Variants in USP40 observed in about 807,000 individuals in gnomAD.
USP40 encodes the protein ubiquitin carboxyl-terminal hydrolase 40.
Under a neutral mutation model 166.2 loss-of-function variants are expected in USP40, and 143 were observed. The observed-to-expected ratio is 0.86, with a 90% CI of 0.75 to 0.99. USP40 has a LOEUF of 0.99. USP40 is among the 50% of genes least tolerant of loss of function. The probability of loss-of-function intolerance (pLI) is 0.00; values close to 1 mark genes in which losing one functional copy is unlikely to be tolerated. For synonymous variants in USP40, 498 were observed against 524.0 expected, an observed-to-expected ratio of 0.95 and a Z score of 0.68; for missense variants, 1,444 against 1,479.7, an observed-to-expected ratio of 0.98 and a Z score of 0.40.
intron 22 of USP40, 62 bp downstream of exon 22, chr2:233,499,817 A>G (rs962264732): frequency 1.3e-6 from 2 of 1,521,668 alleles, no homozygotes; most frequent in Non-Finnish European, 1.8e-6. Flanking sequence ...CTGGAGAAAA[A>G]AAAAGTCAAA....
intron 9 of USP40, among the ~76,000 whole-genome samples, chr2:233,541,990 T>C (rs1290567040): frequency 6.6e-6 from 1 of 152,224 alleles, no homozygotes; most frequent in East Asian, 1.9e-4. Context: ...TAACAATAAC[T>C]GTCAGTATCT....
At position 233,476,261 on chromosome 2, in the gene USP40, C is replaced by T. The variant is rs577650588; in HGVS notation, c.*1131G>A. 7 of 152,454 alleles carry T rather than the reference C, an allele frequency of 4.6e-5. No homozygotes were observed. Among genetic ancestry groups the T allele is most frequent in the South Asian group, 4.1e-4 (2 of 4,824 alleles). The allele number at this position is 152,454 out of a possible 1,614,324, so 9.4% of individuals were successfully genotyped here. On this transcript the variant is annotated 3_prime_UTR_variant, in exon 32 of 32. Coordinates refer to ENST00000678225, the MANE Select transcript of USP40 (RefSeq NM_001365479.2). ...TGCTTCCCATCAGTGACGGGGCTGA[C>T]GAGAAACCGTGAGGCCCAGGTGACA... is the stretch of plus-strand genomic sequence containing the variant.
At chr2:233,519,161 G>A (rs1361271923) in intron 18 of USP40, among the ~76,000 whole-genome samples, 1 of 152,138 alleles carries the variant, frequency 6.6e-6, no homozygotes, top group African/African-American at 2.4e-5. Flanking sequence ...TTCTAAAACT[G>A]GATTGTGGTG....
chr2:233,494,962 A>ATT lies in USP40; in HGVS notation c.2791-1412_2791-1411insAA, dbSNP rs1559224425. 3.1e-3 allele frequency among the ~76,000 whole-genome samples: 222 copies of ATT among 71,190 alleles called. 1 individual carries two copies. The highest frequency in any genetic ancestry group is 4.4e-3 in the Non-Finnish European group (163 of 36,698). 46.7% of individuals were successfully genotyped at this position (71,190 alleles called of 152,430 possible). ...TATATATATATATATATATTTATAT[A>ATT]TATATATATATATATATACACACAC... On this transcript the variant is annotated intron_variant, in intron 24 of 31. Transcript: ENST00000678225.
rs1575217606 is a variant in USP40, at chr2:233,486,704, C to T, written c.3198-727G>A. Reference sequence around the variant, plus strand: ...GTTTTTACCATCAAAAGAGGTCACGCAATGAGAAATGAAATGACTGGAAGA... The same window carrying T: ...GTTTTTACCATCAAAAGAGGTCACGTAATGAGAAATGAAATGACTGGAAGA... On this transcript the variant is annotated intron_variant, in intron 28 of 31. Coordinates refer to ENST00000678225, the MANE Select transcript of USP40 (RefSeq NM_001365479.2). This position sits in a 1 kb window ranked among gnomAD's most constrained non-coding sequence, Gnocchi z 4.0. Among the ~76,000 whole-genome samples the T allele has an allele frequency of 6.6e-6, 1 of 152,112 alleles. No individual in the cohort carries two copies. The highest frequency in any genetic ancestry group is 1.9e-4 in the East Asian group (1 of 5,186).
intron 10 of USP40, among the ~76,000 whole-genome samples, chr2:233,537,947 G>A (rs1236082216): frequency 6.6e-6 from 1 of 152,052 alleles, no homozygotes; most frequent in African/African-American, 2.4e-5. Context: ...TGTTTAAGCA[G>A]AAGTAGTAAC....
Position 233,555,636 on chromosome 2 carries a change from C to CTTT in USP40, c.547-1113_547-1111dup, listed in dbSNP as rs1232616788. On this transcript the variant is annotated intron_variant, in intron 5 of 31. Coordinates refer to ENST00000678225, the MANE Select transcript of USP40 (RefSeq NM_001365479.2). ...TTATTTCCAAACTTAAAAAATCACT[C>CTTT]TTTTTTTTTTTTTTTTTTGAGACGG... Among the ~76,000 whole-genome samples the CTTT allele has an allele frequency of 1.4e-3, 184 of 129,012 alleles. 3 individuals carry two copies. The highest frequency in any genetic ancestry group is 4.3e-3 in the African/African-American group (143 of 33,004). 84.6% of individuals were successfully genotyped at this position (129,012 alleles called of 152,430 possible).
chr2:233,531,362 T>A (rs1246096399), intron 11 of USP40, among the ~76,000 whole-genome samples: 2 of 152,216 alleles, frequency 1.3e-5, no homozygotes, highest in African/African-American at 4.8e-5. Context: ...AATTTTAGAA[T>A]CATTTTATAA....
At chr2:233,498,683 G>C (rs901083363) in intron 22 of USP40, 71 bp from the exon 23 acceptor site, 1 of 1,303,324 alleles carries the variant, frequency 7.7e-7, no homozygotes, top group Admixed American at 1.9e-5. Context: ...ACTTCTAGAA[G>C]AATGTCTTGC....
chr2:233,561,329 T>C, intron 3 of USP40: 1 of 766,526 alleles, frequency 1.3e-6, no homozygotes, highest in South Asian at 1.7e-5. Flanking sequence ...ACTACAAGGG[T>C]ACAGTAACCA....
At chr2:233,559,595 C>T (rs1313555047) in intron 4 of USP40, among the ~76,000 whole-genome samples, 1 of 152,126 alleles carries the variant, frequency 6.6e-6, no homozygotes, top group Non-Finnish European at 1.5e-5. Flanking sequence ...CCAATCTTCT[C>T]CCCAGCCCCA....
chr2:233,510,225 G>A (rs2066710390), intron 20 of USP40, 90 bp from the exon 21 acceptor site: 2 of 969,582 alleles, frequency 2.1e-6, no homozygotes, highest in Non-Finnish European at 1.5e-6. Flanking sequence ...GTAAAGCCAA[G>A]GGCCCATGAA....
At position 233,524,509 on chromosome 2, in the gene USP40, C is replaced by T. The variant is rs761917506; in HGVS notation, c.1864G>A (p.Val622Met). The change falls in exon 15 of 32, where the codon GTG (valine) becomes ATG (methionine). Residue 622 changes from valine to methionine, a missense_variant. By Grantham distance (21) the Val-to-Met change is conservative (BLOSUM62 1). Coordinates refer to ENST00000678225, the MANE Select transcript of USP40 (RefSeq NM_001365479.2). ...TEIADGEDIF[V>M]WNGVEVGGVH... ...TTTTTTACCTCCACCCCATTCCACACAAAGATGTCTTCCCCATCAGCAATT... is the reference window on the plus strand; with the variant it reads ...TTTTTTACCTCCACCCCATTCCACATAAAGATGTCTTCCCCATCAGCAATT... 8 of 1,606,954 alleles carry T rather than the reference C, an allele frequency of 5.0e-6. No homozygotes were observed. Among genetic ancestry groups the T allele is most frequent in the South Asian group, 4.5e-5 (4 of 89,182 alleles).
chr2:233,509,353 C>CAT (rs1443885578), intron 21 of USP40, among the ~76,000 whole-genome samples: 1 of 152,106 alleles, frequency 6.6e-6, no homozygotes. Context: ...CACATACACA[C>CAT]ATATATACAA....
intron 23 of USP40, 88 bp downstream of exon 23, chr2:233,498,460 G>A (rs2065871474): frequency 8.5e-7 from 1 of 1,177,354 alleles, no homozygotes; most frequent in Non-Finnish European, 1.2e-6. Context: ...AGTAATTAAA[G>A]CTTTCTCATG....
intron 25 of USP40, chr2:233,492,790 T>G (rs540836741): frequency 6.6e-6 from 1 of 152,044 alleles, no homozygotes; most frequent in Non-Finnish European, 1.5e-5. Flanking sequence ...AGCTAAAGAG[T>G]TGGGCCTATT....
Position 233,481,264 on chromosome 2 carries a change from T to C in USP40, c.3538A>G (p.Thr1180Ala), listed in dbSNP as rs1369754760. The C allele has an allele frequency of 1.9e-6, 3 of 1,607,292 alleles. No homozygotes were observed. In the African/African-American group the frequency reaches 4.0e-5, roughly 21 times the overall value. ...TCTTTTCCAGTGTCATCTCTGATTG[T>C]ACTGAAATCATCATCGTCGTCAATC... ...LLIDDDDDFS[T>A]IRDDTGKEKQ... Residue 1180 changes from threonine to alanine, a missense_variant, in exon 31 of 32, where the codon ACA becomes GCA. By Grantham distance (58) the Thr-to-Ala change is moderately conservative. Transcript: ENST00000678225.
In USP40 at chr2:233,556,893, T is replaced by A; in HGVS notation, c.508A>T (p.Ile170Phe). Residue 170 changes from isoleucine (I) to phenylalanine (F), a missense_variant, in exon 5 of 32, where the codon ATT (isoleucine) becomes TTT (phenylalanine). By Grantham distance (21) the Ile-to-Phe change is conservative. Transcript: ENST00000678225. ...ACGTTCTTACATTCTTTACAAACAA[T>A]CTGGTTAACAATGGTTCCATGGTAC... ...RLYHGTIVNQ[I>F]VCKECKNVSE... 6.2e-7 allele frequency: 1 copy of A among 1,612,698 alleles called. No homozygotes were observed. The highest frequency in any genetic ancestry group is 8.5e-7 in the Non-Finnish European group (1 of 1,179,608).
intron 31 of USP40, among the ~76,000 whole-genome samples, chr2:233,478,088 C>T (rs992319517): frequency 2.6e-5 from 4 of 152,282 alleles, no homozygotes; most frequent in Non-Finnish European, 5.9e-5. Flanking sequence ...GCGGCCCACC[C>T]GCCATCCCAC....
Sources: gnomAD v4.1 joint callset for allele counts (sites outside exome capture counted in the v4.1 genomes callset) on GRCh38, gnomAD v4.1.1 for gene constraint, Gnocchi (gnomAD v3.1) non-coding constraint, MANE v1.5 for transcripts, NCBI Gene and HGNC (gene_info 2026-07-23, HGNC 2026-07-21) for gene names.